PICALM: variants seen among roughly 807,000 people sequenced by gnomAD.
The protein encoded by PICALM is phosphatidylinositol-binding clathrin assembly protein.
Under a neutral mutation model 80.5 loss-of-function variants are expected in PICALM, and 40 were observed. The observed-to-expected ratio is 0.50, with a 90% CI of 0.39 to 0.65. The LOEUF (loss-of-function observed/expected upper bound fraction) is 0.65. PICALM is among the 30% of genes least tolerant of loss of function. The pLI, the probability that PICALM is intolerant of heterozygous loss-of-function variation, is 0.00. For synonymous variants in PICALM, 288 were observed against 260.3 expected (o/e 1.11, Z -1.02); for missense variants, 676 against 778.9 (o/e 0.87, Z 1.57).
chr11:86,012,247 A>G (rs777876312), intron 6 of PICALM, 34 bp downstream of exon 6: 1 of 1,185,624 alleles, frequency 8.4e-7, no homozygotes, highest in Middle Eastern at 2.0e-4. Context: ...ATGACACAAG[A>G]TAAGAAATGT....
chr11:85,973,772 C>A (rs953643168), intron 19 of PICALM, among the ~76,000 whole-genome samples: 4 of 152,110 alleles, frequency 2.6e-5, no homozygotes, highest in Non-Finnish European at 5.9e-5. Context: ...AGGGGAATAA[C>A]AAGTCCACTA....
At chr11:85,989,863 C>A in intron 13 of PICALM, among the ~76,000 whole-genome samples, 1 of 151,916 alleles carries the variant, frequency 6.6e-6, no homozygotes, top group African/African-American at 2.4e-5. Flanking sequence ...CTCTCCCAAG[C>A]ACAAAGAGAA....
At chr11:85,982,184 T>A (rs2094458654) in intron 14 of PICALM, 181 bp from the exon 15 acceptor site, 2 of 562,380 alleles carry the variant, frequency 3.6e-6, no homozygotes, top group Non-Finnish European at 6.4e-6. Flanking sequence ...CTGAATTGAC[T>A]GAGAAGGCTG....
chr11:86,060,238 A>T (rs530592055), intron 1 of PICALM, among the ~76,000 whole-genome samples: 1 of 152,292 alleles, frequency 6.6e-6, no homozygotes, highest in African/African-American at 2.4e-5. Flanking sequence ...GAACCTTCAC[A>T]CTTTTAAAAT....
At chr11:86,067,241 G>A (rs1237196312) in intron 1 of PICALM, among the ~76,000 whole-genome samples, 1 of 152,188 alleles carries the variant, frequency 6.6e-6, no homozygotes, top group Middle Eastern at 3.2e-3. Flanking sequence ...CTTCCAGACA[G>A]TGAATTATCT....
rs1249214526 is a variant in PICALM, at chr11:85,964,001, G to A, written c.1945-4941C>T. ...CTGGGTCAAACTGACTTTAATAAAG[G>A]ACAAACACACCTAGCTTAAAGAAGG... On this transcript the variant is annotated intron_variant, in intron 19 of 19. Coordinates refer to ENST00000393346, the MANE Select transcript of PICALM (RefSeq NM_007166.4). Among the ~76,000 whole-genome samples the A allele has an allele frequency of 3.6e-5, 5 of 140,582 alleles. 1 individual carries two copies. Among genetic ancestry groups the A allele is most frequent in the Admixed American group, 3.1e-4 (4 of 12,876 alleles). 92.2% of individuals were successfully genotyped at this position (140,582 alleles called of 152,430 possible).
intron 12 of PICALM, among the ~76,000 whole-genome samples, chr11:85,994,203 C>T (rs1178974178): frequency 6.6e-6 from 1 of 152,108 alleles, no homozygotes; most frequent in Non-Finnish European, 1.5e-5. Context: ...TCAAAGTTTG[C>T]TATCATCCAA....
intron 1 of PICALM, among the ~76,000 whole-genome samples, chr11:86,060,990 G>C (rs900500023): frequency 6.6e-6 from 1 of 152,126 alleles, no homozygotes; most frequent in Non-Finnish European, 1.5e-5. Context: ...ATTGTCAAGA[G>C]AATGAAAAAG....
rs529173003 is a variant in PICALM, at chr11:85,976,106, T to C, written c.1839+517A>G. On this transcript the variant is annotated intron_variant, in intron 18 of 19. Coordinates refer to ENST00000393346, the MANE Select transcript of PICALM (RefSeq NM_007166.4). ...GCTACTAGCACCATTTCTTTTCTAA[T>C]TGAGTCTCTATATACTGAGAGTTGG... Among the ~76,000 whole-genome samples, 3 of 146,790 alleles carry C rather than the reference T, an allele frequency of 2.0e-5. No homozygotes were observed. The South Asian group carries it at 6.3e-4, about 31-fold the overall frequency.
intron 1 of PICALM, among the ~76,000 whole-genome samples, chr11:86,062,376 G>C (rs2096381885): frequency 6.6e-6 from 1 of 152,056 alleles, no homozygotes; most frequent in South Asian, 2.1e-4. Flanking sequence ...AATTTAGCTG[G>C]GCGTGGTGGT....
At chr11:85,959,732 AC>A (rs2093626746) in intron 19 of PICALM, among the ~76,000 whole-genome samples, 1 of 146,428 alleles carries the variant, frequency 6.8e-6, no homozygotes, top group African/African-American at 2.5e-5. Flanking sequence ...GACAGTCGCC[AC>A]CACACCTGGG....
At chr11:85,973,050 T>C (rs978604102) in intron 19 of PICALM, among the ~76,000 whole-genome samples, 2 of 152,184 alleles carry the variant, frequency 1.3e-5, no homozygotes, top group Non-Finnish European at 2.9e-5. Flanking sequence ...ACTGTGTCAA[T>C]TACCCTCACT....
intron 19 of PICALM, among the ~76,000 whole-genome samples, chr11:85,966,958 T>C (rs1049177430): frequency 1.3e-5 from 2 of 152,172 alleles, no homozygotes; most frequent in African/African-American, 2.4e-5. Context: ...AGAAAACAAA[T>C]TTCTGTTTTA....
chr11:85,990,231 A>C lies in PICALM; in HGVS notation c.1408+19T>G. ...CAGTATAAACATTGATTGGAAAAAA[A>C]GGTTAAATGGTACTTTACCAACAAA... On this transcript the variant is annotated intron_variant, in intron 13 of 19. Transcript: ENST00000393346. 6.7e-7 allele frequency: 1 copy of C among 1,494,798 alleles called. No homozygotes were observed. The highest frequency in any genetic ancestry group is 9.2e-7 in the Non-Finnish European group (1 of 1,090,466). The allele number at this position is 1,494,798 out of a possible 1,614,324, so 92.6% of individuals were successfully genotyped here. A position where few individuals can be genotyped will look rare whatever the true frequency, so the allele number is the denominator to read the frequency against.
chr11:86,045,519 C>CAAAAAAAAAAAA lies in PICALM; in HGVS notation c.131-13920_131-13909dup, dbSNP rs71040207. Among the ~76,000 whole-genome samples, 17 of 47,800 alleles carry CAAAAAAAAAAAA rather than the reference C, an allele frequency of 3.6e-4. 1 individual carries two copies. Among genetic ancestry groups the CAAAAAAAAAAAA allele is most frequent in the Non-Finnish European group, 4.0e-4 (9 of 22,408 alleles). The allele number at this position is 47,800 out of a possible 152,430, so 31.4% of individuals were successfully genotyped here. A position where few individuals can be genotyped will look rare whatever the true frequency, so the allele number is the denominator to read the frequency against. On this transcript the variant is annotated intron_variant, in intron 1 of 19. Coordinates refer to ENST00000393346, the MANE Select transcript of PICALM (RefSeq NM_007166.4). ...CATAGTGAGACCCTGTCTTGAAATT[C>CAAAAAAAAAAAA]AAAAAAAAAAAAAAAAAAAAAAAAA... is the stretch of plus-strand genomic sequence containing the variant.
intron 1 of PICALM, among the ~76,000 whole-genome samples, chr11:86,034,686 C>T (rs2095811905): frequency 1.3e-5 from 2 of 151,894 alleles, no homozygotes; most frequent in African/African-American, 4.8e-5. Context: ...CCACATGGCA[C>T]GTAGGTTCTC....
At chr11:86,031,932 C>T (rs1369660837) in intron 1 of PICALM, among the ~76,000 whole-genome samples, 5 of 152,146 alleles carry the variant, frequency 3.3e-5, no homozygotes, top group Non-Finnish European at 7.4e-5. Context: ...TATTTCCTTA[C>T]TACTTAAAAA....
rs74465524 is a variant in PICALM at position 85,999,399 on chromosome 11, T to C, written c.1154+1244A>G. ...ACATAAAACATAGTGAAATTAGTTC[T>C]TTATCCAATAATTTGTTTCAGCCTC... On this transcript the variant is annotated intron_variant, in intron 11 of 19. Coordinates refer to ENST00000393346, the MANE Select transcript of PICALM (RefSeq NM_007166.4). 4.4e-3 allele frequency among the ~76,000 whole-genome samples: 669 copies of C among 152,324 alleles called. 25 individuals are homozygous for C. In the East Asian group the frequency reaches 0.1, roughly 24 times the overall value.
At chr11:86,001,417 T>TG (rs778696513) in intron 9 of PICALM, among the ~76,000 whole-genome samples, 29 of 152,084 alleles carry the variant, frequency 1.9e-4, no homozygotes, top group Non-Finnish European at 4.3e-4. Flanking sequence ...CACAACAGAG[T>TG]GGGGCACATT....
Sources: gnomAD v4.1 joint callset for allele counts (sites outside exome capture counted in the v4.1 genomes callset) on GRCh38, gnomAD v4.1.1 for gene constraint, MANE v1.5 for transcripts, NCBI Gene and HGNC (gene_info 2026-07-23, HGNC 2026-07-21) for gene names.